The following LIPA variants were observed in gnomAD, a reference collection of about 807,000 sequenced individuals.
The protein encoded by LIPA is lipase A, lysosomal acid type, also known as lysosomal acid lipase/cholesteryl ester hydrolase.
A neutral mutation model predicts 40.6 loss-of-function variants in LIPA; 26 were observed. The observed-to-expected ratio is 0.64, with a 90% CI of 0.47 to 0.89. The LOEUF is 0.89. Ranked by LOEUF, LIPA falls within the 40% of genes least tolerant of loss-of-function variation. The probability of loss-of-function intolerance (pLI) is 0.00; values close to 1 mark genes in which losing one functional copy is unlikely to be tolerated. For synonymous variants in LIPA, 188 were observed against 168.4 expected, an observed-to-expected ratio of 1.12 and a Z score of -0.90; for missense variants, 455 against 479.6, an observed-to-expected ratio of 0.95 and a Z score of 0.48.
At position 89,214,732 on chromosome 10, in the gene LIPA, C is replaced by T; in HGVS notation, c.*96G>A. The T allele has an allele frequency of 1.3e-6, 1 of 784,206 alleles. No individual in the cohort carries two copies. The highest frequency in any genetic ancestry group is 2.1e-6 in the Non-Finnish European group (1 of 466,200). The allele number at this position is 784,206 out of a possible 1,614,324, so 48.6% of individuals were successfully genotyped here. On this transcript the variant is annotated 3_prime_UTR_variant, in exon 10 of 10. Transcript: ENST00000336233. Reference sequence around the variant, plus strand: ...TCTTGGATATAAAAAAACAAAAGACCTGGGAAAGAAAAACAAGTGTTTTAC... The same window carrying T: ...TCTTGGATATAAAAAAACAAAAGACTTGGGAAAGAAAAACAAGTGTTTTAC...
chr10:89,237,537 G>A (rs1053949157), intron 3 of LIPA, among the ~76,000 whole-genome samples: 1 of 152,136 alleles, frequency 6.6e-6, no homozygotes, highest in South Asian at 2.1e-4. Flanking sequence ...GGCAAGAAGG[G>A]ATAGGCTAAC....
chr10:89,308,419 T>A (rs1843496930), intron 1 of LIPA: 1 of 152,174 alleles, frequency 6.6e-6, no homozygotes, highest in East Asian at 1.9e-4. Context: ...ACCTGGTGAC[T>A]AAGGGCCTGG....
intron 2 of LIPA, chr10:89,384,366 A>G: frequency 6.2e-7 from 1 of 1,614,194 alleles, no homozygotes; most frequent in Middle Eastern, 1.6e-4. Flanking sequence ...AAACGTATGC[A>G]GAAATAGGCC....
intron 2 of LIPA, among the ~76,000 whole-genome samples, chr10:89,397,585 A>C (rs1374165073): frequency 1.3e-5 from 2 of 152,170 alleles, no homozygotes; most frequent in Non-Finnish European, 2.9e-5. Flanking sequence ...TATGTTGCCC[A>C]GACTGATCTT....
intron 2 of LIPA, among the ~76,000 whole-genome samples, chr10:89,356,544 A>G (rs1301473265): frequency 3.9e-5 from 6 of 152,018 alleles, no homozygotes; most frequent in Non-Finnish European, 7.3e-5. Context: ...CCTATTGTGA[A>G]CTCTGCATCC....
intron 1 of LIPA, among the ~76,000 whole-genome samples, chr10:89,271,865 C>A (rs1843267476): frequency 6.6e-6 from 1 of 151,906 alleles, no homozygotes; most frequent in Non-Finnish European, 1.5e-5. Context: ...GGGTTTGAGA[C>A]CAGCCTGGAC....
rs1020981455 is a variant in LIPA at position 89,361,863 on chromosome 10, C to G, written c.61+50928G>C. ...TGGGGAAAAAAAAATCCACCCCCCA[C>G]CCTCCACCTGCCTTTTTTTTTTTTT... On this transcript the variant is annotated intron_variant, in intron 2 of 8. Transcript: ENST00000371837. Among the ~76,000 whole-genome samples, 3 of 149,392 alleles carry G rather than the reference C, an allele frequency of 2.0e-5. No individual in the cohort carries two copies. The East Asian group carries it at 5.8e-4, about 29-fold the overall frequency.
chr10:89,403,134 C>T (rs138517255), intron 2 of LIPA: 35 of 1,613,976 alleles, frequency 2.2e-5, no homozygotes, highest in Non-Finnish European at 2.5e-6. Flanking sequence ...TTCTGTCTTA[C>T]TGCATCACCA....
chr10:89,343,747 C>T (rs1843892327), upstream of LIPA, among the ~76,000 whole-genome samples: 1 of 152,108 alleles, frequency 6.6e-6, no homozygotes, highest in Non-Finnish European at 1.5e-5. Flanking sequence ...AGCAAGCATT[C>T]CTGGGGCCTC....
At chr10:89,372,085 G>A (rs186059596) in intron 2 of LIPA, among the ~76,000 whole-genome samples, 2 of 152,342 alleles carry the variant, frequency 1.3e-5, no homozygotes, top group Admixed American at 1.3e-4. Context: ...GCCCCTCATA[G>A]AGGCCCCTAT....
At chr10:89,226,350 GA>G (rs1275738654) in intron 5 of LIPA, among the ~76,000 whole-genome samples, 13 of 152,154 alleles carry the variant, frequency 8.5e-5, no homozygotes, top group Non-Finnish European at 1.8e-4. Flanking sequence ...TAAATTATAG[GA>G]CAGGTTCCTA....
intron 1 of LIPA, chr10:89,338,136 C>G (rs1843776087): frequency 6.5e-6 from 1 of 153,494 alleles, no homozygotes. Context: ...GGATATAACC[C>G]CATCATAAGT....
chr10:89,410,432 C>A (rs1300299180), intron 2 of LIPA, among the ~76,000 whole-genome samples: 1 of 152,220 alleles, frequency 6.6e-6, no homozygotes, highest in Non-Finnish European at 1.5e-5. Flanking sequence ...GAGATGATCC[C>A]TTAGAAGTCC....
chr10:89,347,272 A>G (rs1409443512), upstream of LIPA, among the ~76,000 whole-genome samples: 1 of 152,240 alleles, frequency 6.6e-6, no homozygotes, highest in African/African-American at 2.4e-5. Context: ...ATGTGAAGCC[A>G]GTTAGACTGT....
intron 2 of LIPA, chr10:89,393,382 G>C: frequency 9.8e-7 from 1 of 1,024,736 alleles, no homozygotes. Context: ...TGCTTGGGAA[G>C]ATCCGTATCT....
At chr10:89,248,183 T>C (rs1273488865) in intron 1 of LIPA, among the ~76,000 whole-genome samples, 1 of 142,368 alleles carries the variant, frequency 7.0e-6, no homozygotes, top group Admixed American at 7.0e-5. Context: ...TTTTTTTTTT[T>C]CGGAGTCTCG....
At chr10:89,225,345 A>C in intron 5 of LIPA, 117 bp from the exon 6 acceptor site, 1 of 1,235,344 alleles carries the variant, frequency 8.1e-7, no homozygotes, top group Non-Finnish European at 1.2e-6. Context: ...CACGCAAACA[A>C]TACCACCAGC....
chr10:89,402,899 G>T (rs1321087161), intron 2 of LIPA: 1 of 1,614,198 alleles, frequency 6.2e-7, no homozygotes, highest in Non-Finnish European at 8.5e-7. Context: ...CCCTAAGGCA[G>T]GCTGTCCGCT....
intron 6 of LIPA, 43 bp downstream of exon 6, chr10:89,225,049 G>T (rs1564753458): frequency 2.5e-6 from 4 of 1,608,402 alleles, no homozygotes; most frequent in African/African-American, 1.3e-5. Flanking sequence ...ATCTCAGGAG[G>T]AAATCTGCGG....
Sources: allele counts gnomAD v4.1 joint callset (sites outside exome capture counted in the v4.1 genomes callset), GRCh38; gene constraint gnomAD v4.1.1; transcripts MANE v1.5; gene names NCBI Gene and HGNC (gene_info 2026-07-23, HGNC 2026-07-21).